The following SNX29 variants were observed in gnomAD, a reference collection of about 807,000 sequenced individuals.
The protein encoded by SNX29 is sorting nexin 29, also known as sorting nexin-29.
A neutral mutation model predicts 102.1 loss-of-function variants in SNX29; 78 were observed. The observed-to-expected ratio is 0.76, with a 90% confidence interval of 0.64 to 0.92. The LOEUF is 0.92. Ranked by LOEUF, SNX29 falls within the 40% of genes least tolerant of loss-of-function variation. The pLI, the probability that SNX29 is intolerant of heterozygous loss-of-function variation, is 0.00. For missense variants in SNX29, 1,280 were observed against 1,061.7 expected, an observed-to-expected ratio of 1.21 and a Z score of -2.86; for synonymous variants, 580 against 414.5, an observed-to-expected ratio of 1.40 and a Z score of -4.85.
At chr16:12,217,674 A>G (rs2077361359) in intron 14 of SNX29, among the ~76,000 whole-genome samples, 1 of 152,106 alleles carries the variant, frequency 6.6e-6, no homozygotes, top group African/African-American at 2.4e-5. Context: ...CTGTAAATCT[A>G]GGGTGTTCTT....
chr16:12,403,085 C>T (rs902125756), intron 17 of SNX29, among the ~76,000 whole-genome samples: 4 of 152,068 alleles, frequency 2.6e-5, no homozygotes, highest in African/African-American at 4.8e-5. Flanking sequence ...TTGGGGCTTC[C>T]GGTTATTATC....
In SNX29 at chr16:12,153,942, A is replaced by G. The variant is rs561010462; in HGVS notation, c.1595+24184A>G. On this transcript the variant is annotated intron_variant, in intron 13 of 20. Transcript: ENST00000566228. ...CAGTTCTGTTCTTCTACCTTCTTCA[A>G]GTTTGAATTATGGAGACGGTGTCCT... 2.0e-4 allele frequency among the ~76,000 whole-genome samples: 31 copies of G among 152,310 alleles called. No individual in the cohort carries two copies. In the South Asian group the frequency reaches 6.2e-3, roughly 31 times the overall value.
Position 12,052,135 on chromosome 16 carries a change from A to G in SNX29, c.1037A>G (p.Asp346Gly). 6.2e-7 allele frequency: 1 copy of G among 1,613,972 alleles called. No individual in the cohort carries two copies. Among genetic ancestry groups the G allele is most frequent in the Non-Finnish European group, 8.5e-7 (1 of 1,179,854 alleles). ...GYQKLDVKSI[D>G]DEDVDENEDD... ...CAGAAGCTTGATGTGAAAAGCATCGATGATGAAGATGTGGATGAAAACGAA... is the reference window on the plus strand; with the variant it reads ...CAGAAGCTTGATGTGAAAAGCATCGGTGATGAAGATGTGGATGAAAACGAA... Residue 346 changes from aspartate (D) to glycine (G), a missense_variant, in exon 8 of 21, where the codon GAT (aspartate) becomes GGT (glycine). Physicochemically the swap from Asp to Gly is moderately conservative, Grantham distance 94 (BLOSUM62 -1). Coordinates refer to ENST00000566228, the MANE Select transcript of SNX29 (RefSeq NM_032167.5).
At chr16:12,145,935 C>T (rs905320978) in intron 13 of SNX29, among the ~76,000 whole-genome samples, 2 of 152,162 alleles carry the variant, frequency 1.3e-5, no homozygotes, top group African/African-American at 4.8e-5. Context: ...CAGCTAGATT[C>T]CAAAAAGTGA....
At chr16:12,271,665 C>A (rs1308543845) in intron 14 of SNX29, among the ~76,000 whole-genome samples, 2 of 151,512 alleles carry the variant, frequency 1.3e-5, no homozygotes, top group African/African-American at 4.8e-5. Context: ...CTCTGTTGCT[C>A]AGGCTGGAGT....
At chr16:12,318,692 G>C (rs1194778547) in intron 15 of SNX29, among the ~76,000 whole-genome samples, 1 of 151,036 alleles carries the variant, frequency 6.6e-6, no homozygotes, top group African/African-American at 2.4e-5. Flanking sequence ...GATGAACTGG[G>C]AAGAGAAGAA....
chr16:12,003,025 C>T lies in SNX29; in HGVS notation c.104C>T (p.Ala35Val). 10 of 1,614,070 alleles carry T rather than the reference C, an allele frequency of 6.2e-6. No homozygotes were observed. Among genetic ancestry groups the T allele is most frequent in the East Asian group, 2.2e-5 (1 of 44,902 alleles). The change falls in exon 3 of 21, where the codon GCC becomes GTC. Residue 35 changes from alanine to valine, a missense_variant. Physicochemically the swap from Ala to Val is moderately conservative, Grantham distance 64. Transcript: ENST00000566228. Reference protein sequence around the residue: ...QIRFGGRKEIASDSDSRVTCL... With the variant: ...QIRFGGRKEIVSDSDSRVTCL... ...CGCTTTGGAGGGAGAAAGGAGATTG[C>T]CTCGGATTCCGACAGCAGGTAAATA...
In SNX29 at chr16:12,152,220, TA is replaced by T. The variant is rs577286121; in HGVS notation, c.1595+22472del. Among the ~76,000 whole-genome samples, 103 of 149,036 alleles carry T rather than the reference TA, an allele frequency of 6.9e-4. 2 individuals carry two copies. In the South Asian group the frequency reaches 0.015, roughly 22 times the overall value. On this transcript the variant is annotated intron_variant, in intron 13 of 20. Transcript: ENST00000566228. ...TGGGCAGCAAAGCAAGACCCTATCT[TA>T]AAAAAAAAATGCATGCAATAATACA...
At chr16:12,403,309 G>T (rs1017730119) in intron 17 of SNX29, 139 bp from the exon 18 acceptor site, 1 of 691,928 alleles carries the variant, frequency 1.4e-6, no homozygotes, top group Admixed American at 2.5e-5. Flanking sequence ...TTGCCATCAG[G>T]TGTGATGTAA....
At chr16:12,357,891 T>C (rs951396083) in intron 16 of SNX29, among the ~76,000 whole-genome samples, 1 of 152,256 alleles carries the variant, frequency 6.6e-6, no homozygotes, top group Non-Finnish European at 1.5e-5. Flanking sequence ...TGATGGTATC[T>C]CTGTAGTGTG....
chr16:12,330,216 G>C (rs2081254459), intron 15 of SNX29, among the ~76,000 whole-genome samples: 1 of 152,200 alleles, frequency 6.6e-6, no homozygotes, highest in Admixed American at 6.5e-5. Flanking sequence ...TGGTCCCCTT[G>C]TGGCCTTGAG....
At chr16:12,268,261 C>T (rs1056033326) in intron 14 of SNX29, among the ~76,000 whole-genome samples, 6 of 152,244 alleles carry the variant, frequency 3.9e-5, no homozygotes, top group African/African-American at 1.2e-4. Context: ...CATATTGGCA[C>T]TCACTTTTAC....
At chr16:12,072,901 G>A (rs1186471082) in intron 10 of SNX29, among the ~76,000 whole-genome samples, 1 of 152,210 alleles carries the variant, frequency 6.6e-6, no homozygotes, top group Non-Finnish European at 1.5e-5. Context: ...TCTTGGGAGA[G>A]TGTATGTTTC....
intron 3 of SNX29, among the ~76,000 whole-genome samples, chr16:12,016,108 G>A (rs2056840572): frequency 6.6e-6 from 1 of 152,038 alleles, no homozygotes; most frequent in South Asian, 2.1e-4. Flanking sequence ...CAAGTGATCT[G>A]CCCACCTTGG....
At chr16:12,310,726 A>T (rs777639377) in intron 15 of SNX29, among the ~76,000 whole-genome samples, 11 of 152,188 alleles carry the variant, frequency 7.2e-5, no homozygotes, top group Non-Finnish European at 1.5e-4. Flanking sequence ...AAACGTAAAC[A>T]TATGTCAAAA....
chr16:12,374,853 G>C (rs1049520449), intron 16 of SNX29: 4 of 152,128 alleles, frequency 2.6e-5, no homozygotes, highest in Non-Finnish European at 4.4e-5. Context: ...CTAACACTTA[G>C]GATTTAATGA....
chr16:11,983,904 G>C (rs895791687), intron 1 of SNX29, among the ~76,000 whole-genome samples: 1 of 152,122 alleles, frequency 6.6e-6, no homozygotes, highest in African/African-American at 2.4e-5. Context: ...GGTGAACACT[G>C]GTTCTCAGGA....
At chr16:12,218,176 T>G (rs749478269) in intron 14 of SNX29, among the ~76,000 whole-genome samples, 1 of 152,266 alleles carries the variant, frequency 6.6e-6, no homozygotes, top group African/African-American at 2.4e-5. Context: ...CTTTGATTTT[T>G]TAAATAATTT....
intron 18 of SNX29, among the ~76,000 whole-genome samples, chr16:12,415,985 C>A (rs763196936): frequency 6.6e-6 from 1 of 152,158 alleles, no homozygotes; most frequent in African/African-American, 2.4e-5. Flanking sequence ...TGGGGGCCGT[C>A]TTCTGAATGT....
Sources: allele counts gnomAD v4.1 joint callset (sites outside exome capture counted in the v4.1 genomes callset), GRCh38; gene constraint gnomAD v4.1.1; transcripts MANE v1.5; gene names NCBI Gene and HGNC (gene_info 2026-07-23, HGNC 2026-07-21).